The following DDX60 variants were observed in gnomAD, a reference collection of about 807,000 sequenced individuals.
The protein encoded by DDX60 is probable ATP-dependent RNA helicase DDX60.
A neutral mutation model predicts 212.8 loss-of-function variants in DDX60; 165 were observed. The observed-to-expected ratio is 0.78, with a 90% confidence interval of 0.68 to 0.88. DDX60 has a LOEUF of 0.88. Ranked by LOEUF, DDX60 falls within the 40% of genes least tolerant of loss-of-function variation. The pLI is 0.00. For synonymous variants in DDX60, 703 were observed against 685.3 expected (o/e 1.03, Z -0.40); for missense variants, 1,905 against 2,003.9 (o/e 0.95, Z 0.94).
chr4:168,260,836 G>A, intron 25 of DDX60, 29 bp downstream of exon 25: 2 of 1,586,226 alleles, frequency 1.3e-6, no homozygotes, highest in Non-Finnish European at 1.7e-6. Flanking sequence ...ACAATTACAA[G>A]CAAAACCAAA....
intron 34 of DDX60, 69 bp from the exon 35 acceptor site, chr4:168,224,454 C>G (rs926940805): frequency 2.0e-6 from 3 of 1,480,186 alleles, no homozygotes; most frequent in African/African-American, 2.8e-5. Context: ...CAGATACTTT[C>G]TCTAGACCAT....
chr4:168,239,067 A>C (rs1296027846), intron 30 of DDX60, among the ~76,000 whole-genome samples: 1 of 152,166 alleles, frequency 6.6e-6, no homozygotes, highest in Non-Finnish European at 1.5e-5. Flanking sequence ...AGAAAAACAC[A>C]CAATAGATCA....
Position 168,267,858 on chromosome 4 carries a change from G to T in DDX60, c.2912C>A (p.Ser971Ter). The T allele has an allele frequency of 6.2e-7, 1 of 1,611,534 alleles. No homozygotes were observed. Among genetic ancestry groups the T allele is most frequent in the Non-Finnish European group, 8.5e-7 (1 of 1,178,832 alleles). ...AAACATACCAAGTCTAACTTTATAC[G>T]ATTGTTTTACTTGCAAGTAGTCTTT... ...FPKDYLQVKQ[S>*]YKVRLVLYGE... Residue 971 changes from serine to a stop codon, truncating the protein, a stop_gained, in exon 21 of 38, where the codon TCG becomes TAG. Transcript: ENST00000393743. LOFTEE classifies it high-confidence loss of function.
chr4:168,273,307 T>A lies in DDX60; in HGVS notation c.2546A>T (p.Glu849Val). Reference sequence around the variant, plus strand: ...ACAGTTTAAGGCATCATGACGATACTCCCTGGTGAAAACACCACAGAGAAC... The same window carrying A: ...ACAGTTTAAGGCATCATGACGATACACCCTGGTGAAAACACCACAGAGAAC... ...GEVLCGVFTREYRHDALNCQV... is the reference protein window; with the variant it reads ...GEVLCGVFTRVYRHDALNCQV... The change falls in exon 18 of 38, where the codon GAG (glutamate) becomes GTG (valine). Residue 849 changes from glutamate (E) to valine (V), a missense_variant. Physicochemically the swap from Glu to Val is moderately radical, Grantham distance 121. Coordinates refer to ENST00000393743, the MANE Select transcript of DDX60 (RefSeq NM_017631.6). 1 of 1,613,878 alleles carries A rather than the reference T, an allele frequency of 6.2e-7. No homozygotes were observed. The highest frequency in any genetic ancestry group is 8.5e-7 in the Non-Finnish European group (1 of 1,179,836).
At chr4:168,292,107 G>A (rs1338341437) in intron 7 of DDX60, among the ~76,000 whole-genome samples, 2 of 142,404 alleles carry the variant, frequency 1.4e-5, no homozygotes, top group African/African-American at 5.4e-5. Flanking sequence ...GGAGTGAAGT[G>A]GCCCAATCTC....
intron 6 of DDX60, among the ~76,000 whole-genome samples, chr4:168,297,385 AAAGAAAG>A: frequency 7.1e-6 from 1 of 141,544 alleles, no homozygotes; most frequent in African/African-American, 2.7e-5. Flanking sequence ...AAAGAAAGAG[AAAGAAAG>A]AAAGAAAGAA....
chr4:168,255,810 T>A lies in DDX60; in HGVS notation c.3458A>T (p.Lys1153Met), dbSNP rs1486653618. ...AESVSTFLKKKQETKRPPKAD... is the reference protein window; with the variant it reads ...AESVSTFLKKMQETKRPPKAD... Reference sequence around the variant, plus strand: ...TTTGGGAGGCCTTTTTGTCTCCTGCTTTTTCTTTAGGAAAGTGCTCACACT... The same window carrying A: ...TTTGGGAGGCCTTTTTGTCTCCTGCATTTTCTTTAGGAAAGTGCTCACACT... Residue 1153 changes from lysine (K) to methionine (M), a missense_variant, in exon 26 of 38, where the codon AAG becomes ATG. Physicochemically the swap from Lys to Met is moderately conservative, Grantham distance 95. Transcript: ENST00000393743. The A allele has an allele frequency of 6.2e-7, 1 of 1,608,322 alleles. No homozygotes were observed. Among genetic ancestry groups the A allele is most frequent in the Non-Finnish European group, 8.5e-7 (1 of 1,178,530 alleles).
intron 33 of DDX60, among the ~76,000 whole-genome samples, chr4:168,230,330 A>G (rs768116291): frequency 6.6e-6 from 1 of 152,150 alleles, no homozygotes; most frequent in Non-Finnish European, 1.5e-5. Context: ...AAGTCAACAA[A>G]TAATGGACTT....
chr4:168,312,070 G>A (rs1421680045), intron 1 of DDX60, among the ~76,000 whole-genome samples: 1 of 152,142 alleles, frequency 6.6e-6, no homozygotes, highest in African/African-American at 2.4e-5. Context: ...GAGAGATGTG[G>A]ACTCACTTGA....
rs1164442639 is a variant in DDX60 at position 168,267,706 on chromosome 4, C to G, written c.2930-15G>C. The G allele has an allele frequency of 1.3e-6, 2 of 1,559,490 alleles. No individual in the cohort carries two copies. Among genetic ancestry groups the G allele is most frequent in the East Asian group, 4.5e-5 (2 of 44,226 alleles). On this transcript the variant is annotated splice_polypyrimidine_tract_variant and intron_variant, in intron 21 of 37. Transcript: ENST00000393743. ...TCCATAGAGCACTAAAAATGAAGAACAAGAATTTCCACATCAATGGAAATG... is the reference window on the plus strand; with the variant it reads ...TCCATAGAGCACTAAAAATGAAGAAGAAGAATTTCCACATCAATGGAAATG...
rs1239562973 is a variant in DDX60 at position 168,283,523 on chromosome 4, C to T, written c.1645G>A (p.Val549Ile). 1 of 1,613,380 alleles carries T rather than the reference C, an allele frequency of 6.2e-7. No homozygotes were observed. Among genetic ancestry groups the T allele is most frequent in the African/African-American group, 1.3e-5 (1 of 74,904 alleles). The change falls in exon 13 of 38, where the codon GTC becomes ATC. Residue 549 changes from valine to isoleucine, a missense_variant. Transcript: ENST00000393743. ...QRFYGNSLET[V>I]SSKIIVTQTI... Reference sequence around the variant, plus strand: ...TGAGTCACGATGATTTTCGAAGAGACTGTTTCTAATGAATTCCCATAAAAC... The same window carrying T: ...TGAGTCACGATGATTTTCGAAGAGATTGTTTCTAATGAATTCCCATAAAAC...
At position 168,237,370 on chromosome 4, in the gene DDX60, G is replaced by A; in HGVS notation, c.4327C>T (p.His1443Tyr). The A allele has an allele frequency of 6.3e-7, 1 of 1,599,732 alleles. No homozygotes were observed. The highest frequency in any genetic ancestry group is 8.5e-7 in the Non-Finnish European group (1 of 1,173,336). ...MGFAGLVSHL[H>Y]YHEPSNLVFV... ...ACAAGATTAGAAGGTTCATGATAAT[G>A]CAAATGTGATACAAGTCCAGCAAAC... The change falls in exon 32 of 38, where the codon CAT (histidine) becomes TAT (tyrosine). Residue 1443 changes from histidine (H) to tyrosine (Y), a missense_variant. His to Tyr is a moderately conservative substitution (Grantham distance 83, BLOSUM62 2). Coordinates refer to ENST00000393743, the MANE Select transcript of DDX60 (RefSeq NM_017631.6).
intron 37 of DDX60, among the ~76,000 whole-genome samples, chr4:168,217,522 T>C (rs975905648): frequency 6.6e-6 from 1 of 152,168 alleles, no homozygotes; most frequent in Non-Finnish European, 1.5e-5. Context: ...AAGATGTCCA[T>C]ATCATATATT....
At chr4:168,279,095 C>T (rs969185005) in intron 14 of DDX60, among the ~76,000 whole-genome samples, 1 of 152,104 alleles carries the variant, frequency 6.6e-6, no homozygotes, top group African/African-American at 2.4e-5. Flanking sequence ...TGCTGCAGTG[C>T]ATATAATAAA....
chr4:168,288,244 G>C lies in DDX60; in HGVS notation c.1113C>G (p.His371Gln). The change falls in exon 9 of 38, where the codon CAC (histidine) becomes CAG (glutamine). Residue 371 changes from histidine (H) to glutamine (Q), a missense_variant. By Grantham distance (24) the His-to-Gln change is conservative (BLOSUM62 0). Transcript: ENST00000393743. ...AAAGCTCATCATTTAAGTCAGAAAG[G>C]TGAATTAAATTCAGATTCCAAAATT... Reference protein sequence around the residue: ...TFEFWNLNLIHLSDLNDELLL... With the variant: ...TFEFWNLNLIQLSDLNDELLL... 1 of 1,504,832 alleles carries C rather than the reference G, an allele frequency of 6.6e-7. No individual in the cohort carries two copies. Among genetic ancestry groups the C allele is most frequent in the Non-Finnish European group, 9.1e-7 (1 of 1,098,560 alleles). 93.2% of individuals were successfully genotyped at this position (1,504,832 alleles called of 1,614,324 possible). A position where few individuals can be genotyped will look rare whatever the true frequency, so the allele number is the denominator to read the frequency against.
intron 37 of DDX60, among the ~76,000 whole-genome samples, chr4:168,218,142 G>A (rs972731044): frequency 5.3e-5 from 8 of 151,994 alleles, no homozygotes; most frequent in East Asian, 1.9e-4. Flanking sequence ...AGTTATTTTC[G>A]AGTGTCATCA....
intron 4 of DDX60, among the ~76,000 whole-genome samples, chr4:168,307,504 C>G (rs182279659): frequency 6.6e-6 from 1 of 152,054 alleles, no homozygotes; most frequent in East Asian, 1.9e-4. Flanking sequence ...AGTGCAGTGG[C>G]GTGATCATGG....
intron 6 of DDX60, among the ~76,000 whole-genome samples, chr4:168,296,286 TA>T (rs1347470351): frequency 1.3e-5 from 2 of 152,068 alleles, no homozygotes; most frequent in African/African-American, 2.4e-5. Context: ...CAATCAAAAA[TA>T]TTTTTTTAAT....
At chr4:168,291,684 T>C in intron 8 of DDX60, 64 bp downstream of exon 8, 1 of 1,430,844 alleles carries the variant, frequency 7.0e-7, no homozygotes, top group Non-Finnish European at 9.3e-7. Flanking sequence ...ATTTTGAAAG[T>C]TATTGTAGTT....
Sources: allele counts gnomAD v4.1 joint callset (sites outside exome capture counted in the v4.1 genomes callset), GRCh38; gene constraint gnomAD v4.1.1; transcripts MANE v1.5; gene names NCBI Gene and HGNC (gene_info 2026-07-23, HGNC 2026-07-21).